Variants in CSNK2A2IP observed in about 807,000 individuals in gnomAD.
CSNK2A2IP encodes casein kinase II subunit alpha'-interacting protein.
the CSNK2A2IP span, among the ~76,000 whole-genome samples, chr3:88,410,029 G>A: frequency 6.6e-6 from 1 of 152,038 alleles, no homozygotes; most frequent in Admixed American, 6.6e-5. Flanking sequence ...AACAGTAGCT[G>A]AGAAATCCTA....
the CSNK2A2IP span, among the ~76,000 whole-genome samples, chr3:88,440,717 C>T: frequency 6.6e-6 from 1 of 151,854 alleles, no homozygotes; most frequent in Non-Finnish European, 1.5e-5. Context: ...CTTAAAGTGA[C>T]TTTTGAGGTG....
chr3:88,355,331 T>TA, the CSNK2A2IP span, among the ~76,000 whole-genome samples: 1 of 152,094 alleles, frequency 6.6e-6, no homozygotes, highest in Admixed American at 6.6e-5. Context: ...GGGAGAGACT[T>TA]ATGTATGTTC....
chr3:88,429,846 G>C, the CSNK2A2IP span, among the ~76,000 whole-genome samples: 1 of 151,994 alleles, frequency 6.6e-6, no homozygotes, highest in African/African-American at 2.4e-5. Context: ...TCCGCCTCCC[G>C]GGTTCACGCC....
At chr3:88,378,749 A>C in the CSNK2A2IP span, among the ~76,000 whole-genome samples, 2 of 151,988 alleles carry the variant, frequency 1.3e-5, no homozygotes, top group Non-Finnish European at 2.9e-5. Context: ...TTCTAAGGGA[A>C]AGAATTGGCA....
chr3:88,348,995 C>T, the CSNK2A2IP span, among the ~76,000 whole-genome samples: 1 of 151,916 alleles, frequency 6.6e-6, no homozygotes, highest in African/African-American at 2.4e-5. Flanking sequence ...GCTTCATTAT[C>T]ATTACCACCC....
chr3:88,416,052 C>A, the CSNK2A2IP span, among the ~76,000 whole-genome samples: 1 of 151,870 alleles, frequency 6.6e-6, no homozygotes, highest in Admixed American at 6.6e-5. Flanking sequence ...AGGAGGATGA[C>A]TTGAGGTCAG....
At chr3:88,348,946 A>G in the CSNK2A2IP span, among the ~76,000 whole-genome samples, 5 of 151,730 alleles carry the variant, frequency 3.3e-5, no homozygotes, top group East Asian at 9.7e-4. Flanking sequence ...CACCATTATT[A>G]TTTTTATTCC....
At chr3:88,450,798 T>C in the CSNK2A2IP span, among the ~76,000 whole-genome samples, 9 of 152,286 alleles carry the variant, frequency 5.9e-5, no homozygotes, top group African/African-American at 2.2e-4. Context: ...TTGTAAATAA[T>C]GCTGCAATGA....
the CSNK2A2IP span, among the ~76,000 whole-genome samples, chr3:88,352,931 C>A: frequency 6.6e-6 from 1 of 152,070 alleles, no homozygotes; most frequent in Non-Finnish European, 1.5e-5. Context: ...AATTGAGAGA[C>A]ACATGCAAAG....
chr3:88,465,040 A>T, the CSNK2A2IP span: 7 of 198,906 alleles, frequency 3.5e-5, no homozygotes, highest in Admixed American at 6.0e-5. Context: ...GAAAATTAAT[A>T]TTTCTATCAG....
At chr3:88,339,063 T>C in the CSNK2A2IP span, among the ~76,000 whole-genome samples, 138 of 152,182 alleles carry the variant, frequency 9.1e-4, no homozygotes, top group African/African-American at 3.0e-3. Flanking sequence ...TTTAGAACAT[T>C]CTAATTCCAC....
chr3:88,466,660 A>C, the CSNK2A2IP span: 8 of 1,220,384 alleles, frequency 6.6e-6, no homozygotes, highest in Non-Finnish European at 8.2e-6. Flanking sequence ...GGTAAATAAA[A>C]TTGTCAATTC....
At chr3:88,390,592 G>T in the CSNK2A2IP span, among the ~76,000 whole-genome samples, 1 of 152,110 alleles carries the variant, frequency 6.6e-6, no homozygotes, top group East Asian at 1.9e-4. Flanking sequence ...TAAATCGAGT[G>T]GGCATTTCTT....
the CSNK2A2IP span, among the ~76,000 whole-genome samples, chr3:88,453,765 C>T: frequency 5.3e-5 from 8 of 152,038 alleles, no homozygotes; most frequent in African/African-American, 1.7e-4. Flanking sequence ...AGACACTTGA[C>T]TGCAGATGGG....
the CSNK2A2IP span, among the ~76,000 whole-genome samples, chr3:88,404,733 C>T: frequency 6.8e-6 from 1 of 147,588 alleles, no homozygotes; most frequent in Admixed American, 6.8e-5. Context: ...TTTTTCTCTT[C>T]GAACTTTTGT....
chr3:88,443,867 A>G, the CSNK2A2IP span, among the ~76,000 whole-genome samples: 1 of 143,156 alleles, frequency 7.0e-6, no homozygotes, highest in Non-Finnish European at 1.5e-5. Flanking sequence ...TTCTCTGAGT[A>G]AAAGCATTTG....
At chr3:88,464,709 GT>G in the CSNK2A2IP span, among the ~76,000 whole-genome samples, 5 of 151,124 alleles carry the variant, frequency 3.3e-5, no homozygotes, top group Non-Finnish European at 5.9e-5. Flanking sequence ...TTTTCTCTGA[GT>G]TTTTTTTTAC....
the CSNK2A2IP span, among the ~76,000 whole-genome samples, chr3:88,430,427 A>G: frequency 6.6e-6 from 1 of 152,128 alleles, no homozygotes. Flanking sequence ...TATATATACT[A>G]TACATATAAC....
chr3:88,407,569 A>G, the CSNK2A2IP span, among the ~76,000 whole-genome samples: 3 of 152,154 alleles, frequency 2.0e-5, no homozygotes, highest in Non-Finnish European at 2.9e-5. Flanking sequence ...CCTACCCTCC[A>G]GGCAAGTGGT....
Sources: allele counts gnomAD v4.1 joint callset (sites outside exome capture counted in the v4.1 genomes callset), GRCh38; gene constraint gnomAD v4.1.1; transcripts MANE v1.5; gene names NCBI Gene and HGNC (gene_info 2026-07-23, HGNC 2026-07-21).